ASIC2: variants seen among roughly 807,000 people sequenced by gnomAD.
ASIC2 encodes acid-sensing ion channel 2.
A neutral mutation model predicts 57.3 loss-of-function variants in ASIC2; 25 were observed. That is an observed-to-expected ratio of 0.44 (90% CI 0.32 to 0.61). ASIC2 has a LOEUF of 0.61. ASIC2 is among the 20% of genes least tolerant of loss of function. The pLI, the probability that ASIC2 is intolerant of heterozygous loss-of-function variation, is 0.06. For missense variants in ASIC2, 641 were observed against 738.1 expected (o/e 0.87, Z 1.52); for synonymous variants, 319 against 307.5 (o/e 1.04, Z -0.39).
intron 1 of ASIC2, among the ~76,000 whole-genome samples, chr17:33,300,796 C>A (rs1905925175): frequency 6.6e-6 from 1 of 152,004 alleles, no homozygotes; most frequent in Admixed American, 6.6e-5. Context: ...GGGAGAGAAC[C>A]AGAAGGTGTT....
At chr17:33,435,560 C>G (rs2141980907) in intron 1 of ASIC2, among the ~76,000 whole-genome samples, 1 of 152,258 alleles carries the variant, frequency 6.6e-6, no homozygotes, top group African/African-American at 2.4e-5. Context: ...TATATGTCAG[C>G]TTGGAGAATG....
At chr17:33,178,072 C>T (rs574157031) in intron 1 of ASIC2, among the ~76,000 whole-genome samples, 11 of 152,256 alleles carry the variant, frequency 7.2e-5, no homozygotes, top group African/African-American at 2.6e-4. Context: ...TATCCATGGA[C>T]CCTGGGTTAA....
chr17:34,044,118 A>ACACACG (rs367828879), intron 1 of ASIC2, among the ~76,000 whole-genome samples: 2 of 123,064 alleles, frequency 1.6e-5, no homozygotes, highest in African/African-American at 5.9e-5. Flanking sequence ...ACACACACAC[A>ACACACG]CACACACGCA....
rs933026551 is a variant in ASIC2, at chr17:33,513,813, G to A, written c.556-401746C>T. Among the ~76,000 whole-genome samples, 4 of 152,176 alleles carry A rather than the reference G, an allele frequency of 2.6e-5. No individual in the cohort carries two copies. The South Asian group carries it at 8.3e-4, about 32-fold the overall frequency. On this transcript the variant is annotated intron_variant, in intron 1 of 9. Coordinates refer to the ASIC2 transcript ENST00000359872. ...TTCAAAGGCGGCACCTTCCCAGAAG[G>A]CTCACTCCCATCTGTAGCTGGAAGT...
At chr17:33,627,694 C>T (rs548090317) in intron 1 of ASIC2, among the ~76,000 whole-genome samples, 8 of 152,316 alleles carry the variant, frequency 5.3e-5, no homozygotes, top group African/African-American at 9.6e-5. Flanking sequence ...CTGCTGCTGG[C>T]GGCTGGTTTA....
chr17:33,984,533 G>A (rs1905746844), intron 1 of ASIC2, among the ~76,000 whole-genome samples: 1 of 152,252 alleles, frequency 6.6e-6, no homozygotes, highest in South Asian at 2.1e-4. Flanking sequence ...CACGTAAAAG[G>A]GCCAAGAGGA....
intron 1 of ASIC2, among the ~76,000 whole-genome samples, chr17:33,645,368 G>A (rs1346993355): frequency 6.6e-6 from 1 of 152,132 alleles, no homozygotes; most frequent in Non-Finnish European, 1.5e-5. Context: ...CATTTAAAAA[G>A]TAGAACACTC....
At chr17:34,049,417 T>C (rs903845209) in intron 1 of ASIC2, among the ~76,000 whole-genome samples, 5 of 152,180 alleles carry the variant, frequency 3.3e-5, no homozygotes, top group African/African-American at 1.2e-4. Context: ...GGTTCTGTCT[T>C]GTCCCGTTCC....
chr17:34,141,453 G>T (rs1912271345), intron 1 of ASIC2, among the ~76,000 whole-genome samples: 1 of 152,158 alleles, frequency 6.6e-6, no homozygotes, highest in African/African-American at 2.4e-5. Flanking sequence ...AGCCTACCAT[G>T]TGTTACCTCT....
intron 1 of ASIC2, among the ~76,000 whole-genome samples, chr17:33,144,529 A>T (rs1265953396): frequency 6.6e-6 from 1 of 152,186 alleles, no homozygotes; most frequent in African/African-American, 2.4e-5. Flanking sequence ...CCTTTACCCA[A>T]GCCAGTTAGA....
intron 1 of ASIC2, among the ~76,000 whole-genome samples, chr17:33,787,719 A>T (rs1392365794): frequency 6.6e-6 from 1 of 152,128 alleles, no homozygotes; most frequent in African/African-American, 2.4e-5. Flanking sequence ...ATACAAGAGG[A>T]GCTCCACTGA....
At chr17:33,493,183 G>A (rs1913814900) in intron 1 of ASIC2, among the ~76,000 whole-genome samples, 1 of 152,206 alleles carries the variant, frequency 6.6e-6, no homozygotes, top group Non-Finnish European at 1.5e-5. Context: ...TCAGGCTCCA[G>A]GGTATGTGCT....
chr17:33,645,843 A>G (rs1906722325), intron 1 of ASIC2, among the ~76,000 whole-genome samples: 1 of 152,176 alleles, frequency 6.6e-6, no homozygotes, highest in Admixed American at 6.5e-5. Context: ...GGAAATGCCA[A>G]TGAATTGGGC....
At chr17:33,523,382 G>C (rs981157548) in intron 1 of ASIC2, among the ~76,000 whole-genome samples, 14 of 152,050 alleles carry the variant, frequency 9.2e-5, no homozygotes, top group African/African-American at 3.4e-4. Flanking sequence ...TCAGCCTCCC[G>C]AGTAGCTGGA....
intron 1 of ASIC2, among the ~76,000 whole-genome samples, chr17:33,184,368 A>G (rs146273724): frequency 3.3e-5 from 5 of 152,308 alleles, no homozygotes; most frequent in Non-Finnish European, 7.4e-5. Flanking sequence ...TGAAATGGAC[A>G]AAGTCATGAA....
chr17:33,540,197 G>A (rs1200824481), intron 1 of ASIC2, among the ~76,000 whole-genome samples: 4 of 152,126 alleles, frequency 2.6e-5, no homozygotes, highest in African/African-American at 9.7e-5. Context: ...CTTGGGTTGT[G>A]GATGTCATTT....
At chr17:34,073,354 C>A (rs1181717782) in intron 1 of ASIC2, among the ~76,000 whole-genome samples, 1 of 152,156 alleles carries the variant, frequency 6.6e-6, no homozygotes, top group Non-Finnish European at 1.5e-5. Context: ...CTAGATATAG[C>A]CCACAAGCTA....
chr17:33,114,816 A>G (rs1429072130), intron 1 of ASIC2, among the ~76,000 whole-genome samples: 1 of 152,248 alleles, frequency 6.6e-6, no homozygotes, highest in Non-Finnish European at 1.5e-5. Context: ...TAAAGGTTAC[A>G]CAGCAAGAAA....
intron 1 of ASIC2, among the ~76,000 whole-genome samples, chr17:33,918,292 C>T (rs1328647082): frequency 1.3e-5 from 2 of 152,140 alleles, no homozygotes; most frequent in Non-Finnish European, 2.9e-5. Flanking sequence ...TATGAATCTC[C>T]ACCTGGCACT....
Sources: gnomAD v4.1 joint callset for allele counts (sites outside exome capture counted in the v4.1 genomes callset) on GRCh38, gnomAD v4.1.1 for gene constraint, MANE v1.5 for transcripts, NCBI Gene and HGNC (gene_info 2026-07-23, HGNC 2026-07-21) for gene names.